Variants in LGALS13 observed in about 807,000 individuals in gnomAD.
LGALS13 encodes galectin 13.
Under a neutral mutation model 13.2 loss-of-function variants are expected in LGALS13, and 11 were observed. The ratio of observed to expected loss-of-function variants is 0.83; its 90% CI spans 0.52 to 1.38. The LOEUF (loss-of-function observed/expected upper bound fraction) is 1.38. Among genes scored for constraint, LGALS13 ranks in the 40% most tolerant of loss-of-function variants. LGALS13 has a pLI of 0.00. For synonymous variants in LGALS13, 71 were observed against 63.7 expected (o/e 1.11, Z -0.54); for missense variants, 183 against 174.3 (o/e 1.05, Z -0.28).
At chr19:39,604,720 G>C (rs1972656294) in intron 2 of LGALS13, 42 bp downstream of exon 2, 2 of 1,609,070 alleles carry the variant, frequency 1.2e-6, no homozygotes, top group Non-Finnish European at 1.7e-6. Flanking sequence ...GAGAAGAAGG[G>C]AGAATATTTG....
rs779252095 is a variant in LGALS13, at chr19:39,607,389, C to T, written c.*50C>T. 13 of 1,196,840 alleles carry T rather than the reference C, an allele frequency of 1.1e-5. No individual in the cohort carries two copies. The highest frequency in any genetic ancestry group is 1.1e-4 in the South Asian group (9 of 82,882). 74.1% of individuals were successfully genotyped at this position (1,196,840 alleles called of 1,614,324 possible). ...TTGAGGAATCCCTCTTTCTACCTGA[C>T]CATGGGATTCCCAGAACCTGCTAAC... On this transcript the variant is annotated 3_prime_UTR_variant, in exon 4 of 4. Transcript: ENST00000221797.
intron 1 of LGALS13, among the ~76,000 whole-genome samples, chr19:39,604,201 G>T (rs1036223015): frequency 2.0e-5 from 3 of 152,082 alleles, no homozygotes; most frequent in African/African-American, 7.2e-5. Flanking sequence ...TGTCCTGTTA[G>T]GTCACCCTAA....
At chr19:39,605,546 A>G (rs1449183718) in intron 3 of LGALS13, among the ~76,000 whole-genome samples, 158 bp downstream of exon 3, 1 of 152,080 alleles carries the variant, frequency 6.6e-6, no homozygotes, top group Non-Finnish European at 1.5e-5. Flanking sequence ...TTGCACTGCC[A>G]TCCTCAGCTC....
intron 3 of LGALS13, 59 bp downstream of exon 3, chr19:39,605,447 GCT>G (rs1972672757): frequency 4.3e-6 from 6 of 1,406,656 alleles, no homozygotes; most frequent in Non-Finnish European, 6.0e-6. Context: ...ACAGGAGGCA[GCT>G]CTCATTGATC....
intron 1 of LGALS13, 119 bp from the exon 2 acceptor site, chr19:39,604,483 G>C (rs933357247): frequency 6.3e-6 from 7 of 1,110,438 alleles, no homozygotes; most frequent in Non-Finnish European, 8.1e-6. Flanking sequence ...TAGGGTTAAA[G>C]AGGAGAGTCC....
chr19:39,606,088 C>G (rs1972684615), intron 3 of LGALS13, among the ~76,000 whole-genome samples: 1 of 152,188 alleles, frequency 6.6e-6, no homozygotes, highest in Non-Finnish European at 1.5e-5. Flanking sequence ...CTCAAGTTAT[C>G]TGCCCAATTT....
intron 1 of LGALS13, 38 bp downstream of exon 1, chr19:39,602,621 C>T (rs1410262236): frequency 6.2e-7 from 1 of 1,605,796 alleles, no homozygotes; most frequent in South Asian, 1.1e-5. Flanking sequence ...AATTTCGTGT[C>T]ACACAAACCA....
At chr19:39,602,928 G>T (rs571092044) in intron 1 of LGALS13, among the ~76,000 whole-genome samples, 1 of 152,326 alleles carries the variant, frequency 6.6e-6, no homozygotes, top group East Asian at 1.9e-4. Context: ...TCCTGTCTAT[G>T]ATGTGAGTAT....
intron 1 of LGALS13, chr19:39,604,074 C>A: frequency 1.4e-6 from 1 of 689,826 alleles, no homozygotes; most frequent in Non-Finnish European, 1.8e-6. Context: ...TTCCCTCTCC[C>A]TTTCAACAAG....
rs1308703231 is a variant in LGALS13, at chr19:39,605,087, A to G, written c.93-91A>G. ...GTATTATCTGGGAGACTTTTTCCCT[A>G]GGTAAATGGGGGAAGGGATTTGTGT... On this transcript the variant is annotated intron_variant, in intron 2 of 3. Coordinates refer to ENST00000221797, the MANE Select transcript of LGALS13 (RefSeq NM_013268.3). 2.8e-6 allele frequency: 3 copies of G among 1,087,834 alleles called. No individual in the cohort carries two copies. In the African/African-American group the frequency reaches 4.6e-5, roughly 17 times the overall value. 67.4% of individuals were successfully genotyped at this position (1,087,834 alleles called of 1,614,324 possible). A position where few individuals can be genotyped will look rare whatever the true frequency, so the allele number is the denominator to read the frequency against.
At chr19:39,605,832 G>GTTTGTTTGTTTGTT (rs1568473082) in intron 3 of LGALS13, among the ~76,000 whole-genome samples, 1 of 149,202 alleles carries the variant, frequency 6.7e-6, no homozygotes, top group Non-Finnish European at 1.5e-5. Flanking sequence ...AAGAGGTTTT[G>GTTTGTTTGTTTGTT]TTTGTTTGTT....
chr19:39,604,468 T>A (rs1972649355), intron 1 of LGALS13, 134 bp from the exon 2 acceptor site: 1 of 962,548 alleles, frequency 1.0e-6, no homozygotes, highest in Admixed American at 1.9e-5. Flanking sequence ...GGGCCCTGAA[T>A]GCGGTAGGGT....
chr19:39,604,640 C>T lies in LGALS13; in HGVS notation c.54C>T (p.Ser18=). The change falls in exon 2 of 4, where the codon TCC becomes TCT. Residue 18 remains serine (S), a synonymous_variant. Coordinates refer to ENST00000221797, the MANE Select transcript of LGALS13 (RefSeq NM_013268.3). ...TGCCTGTGTCTTTGTCTGTTGGTTC[C>T]TGCGTGATAATCAAAGGGACACCAA... is the stretch of plus-strand genomic sequence containing the variant. The part of the protein sequence containing the change: ...YKLPVSLSVG[S]CVIIKGTPIH... 6.2e-7 allele frequency: 1 copy of T among 1,614,192 alleles called. No homozygotes were observed. The highest frequency in any genetic ancestry group is 8.5e-7 in the Non-Finnish European group (1 of 1,180,040).
rs763680574 is a variant in LGALS13 at position 39,607,249 on chromosome 19, C to A, written c.330C>A (p.Tyr110Ter). ...YEIKVNGIRI[Y>*]GFVHRIPPSF... is the part of the protein sequence containing the mutation. ...TAAAGGTCAATGGCATACGCATTTACGGCTTTGTCCATCGAATCCCGCCAT... is the reference window on the plus strand; with the variant it reads ...TAAAGGTCAATGGCATACGCATTTAAGGCTTTGTCCATCGAATCCCGCCAT... Residue 110 changes from tyrosine to a stop codon, truncating the protein, a stop_gained, in exon 4 of 4, where the codon TAC (tyrosine) becomes TAA (stop). Transcript: ENST00000221797. LOFTEE classifies it low-confidence loss of function (END_TRUNC). The A allele has an allele frequency of 2.5e-6, 4 of 1,613,946 alleles. No homozygotes were observed. The South Asian group carries it at 4.4e-5, about 18-fold the overall frequency.
At chr19:39,603,910 T>A (rs1972640536) in intron 1 of LGALS13, 1 of 979,750 alleles carries the variant, frequency 1.0e-6, no homozygotes, top group Admixed American at 6.2e-5. Flanking sequence ...AATCATTCCC[T>A]CCAGTTATGT....
chr19:39,605,309 A>C lies in LGALS13; in HGVS notation c.224A>C (p.Glu75Ala). Residue 75 changes from glutamate (E) to alanine (A), a missense_variant, in exon 3 of 4, where the codon GAG becomes GCG. Glu to Ala is a moderately radical substitution (Grantham distance 107, BLOSUM62 -1). Coordinates refer to ENST00000221797, the MANE Select transcript of LGALS13 (RefSeq NM_013268.3). ...NRREFGIWML[E>A]ETTDYVPFED... The stretch of plus-strand genomic sequence containing the variant: ...CGTGAGTTTGGGATATGGATGTTGG[A>C]GGAGACAACAGACTACGTGCCCTTT... The C allele has an allele frequency of 6.2e-7, 1 of 1,614,178 alleles. No individual in the cohort carries two copies. The highest frequency in any genetic ancestry group is 8.5e-7 in the Non-Finnish European group (1 of 1,179,992).
Position 39,605,295 on chromosome 19 carries a change from G to A in LGALS13, c.210G>A (p.Gly70=), listed in dbSNP as rs765632330. 3.7e-6 allele frequency: 6 copies of A among 1,614,138 alleles called. No individual in the cohort carries two copies. Among genetic ancestry groups the A allele is most frequent in the Non-Finnish European group, 4.2e-6 (5 of 1,180,032 alleles). The change falls in exon 3 of 4, where the codon GGG becomes GGA. Residue 70 remains glycine (G), a synonymous_variant. Coordinates refer to ENST00000221797, the MANE Select transcript of LGALS13 (RefSeq NM_013268.3). ...TGGTCATGAACAGGCGTGAGTTTGG[G>A]ATATGGATGTTGGAGGAGACAACAG... ...NHVVMNRREF[G]IWMLEETTDY...
chr19:39,604,471 G>A lies in LGALS13; in HGVS notation c.16-131G>A, dbSNP rs767862484. The A allele has an allele frequency of 6.3e-5, 63 of 992,242 alleles. 1 individual carries two copies. The highest frequency in any genetic ancestry group is 2.9e-4 in the Middle Eastern group (1 of 3,496). The allele number at this position is 992,242 out of a possible 1,614,324, so 61.5% of individuals were successfully genotyped here. Reference sequence around the variant, plus strand: ...TTCAGGAATATGGGGCCCTGAATGCGGTAGGGTTAAAGAGGAGAGTCCACA... The same window carrying A: ...TTCAGGAATATGGGGCCCTGAATGCAGTAGGGTTAAAGAGGAGAGTCCACA... On this transcript the variant is annotated intron_variant, in intron 1 of 3. Transcript: ENST00000221797.
At chr19:39,604,945 A>C in intron 2 of LGALS13, 1 of 651,638 alleles carries the variant, frequency 1.5e-6, no homozygotes, top group South Asian at 1.8e-5. Context: ...GGAATGAACA[A>C]GTCATAGGCC....
Sources: allele counts gnomAD v4.1 joint callset (sites outside exome capture counted in the v4.1 genomes callset), GRCh38; gene constraint gnomAD v4.1.1; transcripts MANE v1.5; gene names NCBI Gene and HGNC (gene_info 2026-07-23, HGNC 2026-07-21).